The following TRIP12 variants were observed in gnomAD, a reference collection of about 807,000 sequenced individuals.
TRIP12 encodes thyroid hormone receptor interactor 12.
TRIP12 carries 25 observed loss-of-function variants against 244.2 expected under a neutral mutation model. That is an observed-to-expected ratio of 0.10 (90% CI 0.07 to 0.14). TRIP12 has a LOEUF of 0.14. Ranked by LOEUF, TRIP12 falls within the 10% of genes least tolerant of loss-of-function variation. TRIP12 has a pLI of 1.00. For missense variants in TRIP12, 1,677 were observed against 2,486.4 expected, an observed-to-expected ratio of 0.67 and a Z score of 6.92; for synonymous variants, 905 against 873.1, an observed-to-expected ratio of 1.04 and a Z score of -0.64.
chr2:229,908,473 G>A (rs993981976), intron 1 of TRIP12, among the ~76,000 whole-genome samples: 4 of 152,140 alleles, frequency 2.6e-5, no homozygotes, highest in South Asian at 2.1e-4. Context: ...GGCCGGGCGC[G>A]GTGGCTCACA....
At chr2:229,895,642 T>C (rs1338061538) in intron 1 of TRIP12, among the ~76,000 whole-genome samples, 2 of 150,644 alleles carry the variant, frequency 1.3e-5, no homozygotes, top group African/African-American at 4.9e-5. Context: ...AGATTAAAAA[T>C]AAGATATGCA....
At chr2:229,840,799 A>AT (rs1456648546) in intron 5 of TRIP12, 23 bp downstream of exon 5, 2 of 1,388,092 alleles carry the variant, frequency 1.4e-6, no homozygotes, top group Admixed American at 2.3e-5. Context: ...TGAACTCACT[A>AT]TAAAAAAAAA....
In TRIP12 at chr2:229,843,781, C is replaced by G. The variant is rs570336405; in HGVS notation, c.1028-2854G>C. Among the ~76,000 whole-genome samples, 13 of 152,206 alleles carry G rather than the reference C, an allele frequency of 8.5e-5. No individual in the cohort carries two copies. In the South Asian group the frequency reaches 2.7e-3, roughly 32 times the overall value. ...TGATGCATGTCTATAGTCCCAGCTACTTAGGAAGCTGACGCGGGAGGATCC... is the reference window on the plus strand; with the variant it reads ...TGATGCATGTCTATAGTCCCAGCTAGTTAGGAAGCTGACGCGGGAGGATCC... On this transcript the variant is annotated intron_variant, in intron 4 of 41. Transcript: ENST00000675903.
Position 229,857,023 on chromosome 2 carries a change from T to C in TRIP12, c.1027+1749A>G, listed in dbSNP as rs529369154. On this transcript the variant is annotated intron_variant, in intron 4 of 41. Transcript: ENST00000675903. Reference sequence around the variant, plus strand: ...AATAGTATTGTCATTTCAGGTAATATGTGAATCAACCAAAAGTAGTTTTAG... The same window carrying C: ...AATAGTATTGTCATTTCAGGTAATACGTGAATCAACCAAAAGTAGTTTTAG... Among the ~76,000 whole-genome samples the C allele has an allele frequency of 1.1e-4, 16 of 152,346 alleles. No homozygotes were observed. The South Asian group carries it at 3.1e-3, about 30-fold the overall frequency.
At chr2:229,806,774 T>C (rs1414663370) in intron 17 of TRIP12, among the ~76,000 whole-genome samples, 1 of 152,226 alleles carries the variant, frequency 6.6e-6, no homozygotes. Context: ...AGGTAAGTCA[T>C]TGGTTTAAAA....
At chr2:229,865,707 T>C (rs942847870) in intron 2 of TRIP12, among the ~76,000 whole-genome samples, 1 of 152,194 alleles carries the variant, frequency 6.6e-6, no homozygotes, top group Non-Finnish European at 1.5e-5. Flanking sequence ...AAATTAGATA[T>C]TTTATTTCAA....
intron 1 of TRIP12, among the ~76,000 whole-genome samples, chr2:229,887,036 A>G (rs952400348): frequency 5.9e-5 from 9 of 152,318 alleles, no homozygotes; most frequent in African/African-American, 2.2e-4. Flanking sequence ...CAGCACTCAA[A>G]TACAAGTTTG....
At chr2:229,837,922 T>G (rs3791839) in intron 5 of TRIP12, among the ~76,000 whole-genome samples, 38,997 of 152,042 alleles carry the variant, frequency 0.26, 6,122 homozygotes, top group Middle Eastern at 0.43. Context: ...AACCTTTTTT[T>G]CTCCTTCAAC....
At chr2:229,794,064 T>A (rs2042200352) in intron 26 of TRIP12, among the ~76,000 whole-genome samples, 1 of 152,110 alleles carries the variant, frequency 6.6e-6, no homozygotes, top group African/African-American at 2.4e-5. Context: ...AGCTTCATGA[T>A]TTTCTCAAGC....
intron 4 of TRIP12, among the ~76,000 whole-genome samples, chr2:229,856,598 G>C (rs2059645995): frequency 6.6e-6 from 1 of 152,208 alleles, no homozygotes; most frequent in South Asian, 2.1e-4. Context: ...TTCTTCAAGT[G>C]AGGCAGACTG....
At chr2:229,909,138 CCA>C (rs2073717510) in intron 1 of TRIP12, among the ~76,000 whole-genome samples, 1 of 150,444 alleles carries the variant, frequency 6.6e-6, no homozygotes, top group African/African-American at 2.4e-5. Flanking sequence ...TCCAAGTTTA[CCA>C]CTCTCCCTTT....
At chr2:229,884,106 C>CAA (rs1020196088) in intron 1 of TRIP12, among the ~76,000 whole-genome samples, 79 of 140,392 alleles carry the variant, frequency 5.6e-4, no homozygotes, top group Admixed American at 1.4e-3. Flanking sequence ...GAGTCCATTT[C>CAA]AAAAAAAAAA....
chr2:229,793,129 C>T lies in TRIP12; in HGVS notation c.3985G>A (p.Gly1329Arg). 2 of 1,612,170 alleles carry T rather than the reference C, an allele frequency of 1.2e-6. No homozygotes were observed. Among genetic ancestry groups the T allele is most frequent in the Non-Finnish European group, 1.7e-6 (2 of 1,179,262 alleles). The stretch of plus-strand genomic sequence containing the variant: ...TTGAAAAATTTTAAAGCCTGTGATC[C>T]TCTGTTGAGAGAAAAGCTCAAGATA... ...GTGGSFSLNR[G>R]SQALKFFNTH... The change falls in exon 27 of 42, where the codon GGA (glycine) becomes AGA (arginine). Residue 1329 changes from glycine to arginine, a missense_variant. By Grantham distance (125) the Gly-to-Arg change is moderately radical (BLOSUM62 -2). Around this residue, in one of 11 missense-constraint regions of TRIP12, gnomAD observed 265 missense variants for 370.8 expected, o/e 0.71. Coordinates refer to ENST00000675903, the MANE Select transcript of TRIP12 (RefSeq NM_001348323.3).
chr2:229,894,420 T>C (rs2068205355), intron 1 of TRIP12: 1 of 152,122 alleles, frequency 6.6e-6, no homozygotes, highest in African/African-American at 2.4e-5. Flanking sequence ...GTGTAAGGAT[T>C]ACACAATTTA....
At chr2:229,779,091 G>T in intron 34 of TRIP12, 101 bp from the exon 35 acceptor site, 1 of 916,196 alleles carries the variant, frequency 1.1e-6, no homozygotes, top group East Asian at 2.4e-5. Context: ...CTGTTTACCA[G>T]GATGCATTAG....
chr2:229,863,508 A>C (rs1255731432), intron 2 of TRIP12, among the ~76,000 whole-genome samples: 1 of 152,178 alleles, frequency 6.6e-6, no homozygotes, highest in Non-Finnish European at 1.5e-5. Flanking sequence ...CATGGTGGCT[A>C]TACTTCAATC....
chr2:229,906,321 A>G (rs1373743491), intron 1 of TRIP12, among the ~76,000 whole-genome samples: 1 of 151,658 alleles, frequency 6.6e-6, no homozygotes, highest in Non-Finnish European at 1.5e-5. Flanking sequence ...AAAAAAAAGA[A>G]AAGAAAAGAA....
intron 4 of TRIP12, among the ~76,000 whole-genome samples, chr2:229,842,269 C>T (rs963359877): frequency 1.3e-5 from 2 of 152,268 alleles, no homozygotes; most frequent in African/African-American, 4.8e-5. Context: ...TTCTACATAG[C>T]ATACTGCCAG....
chr2:229,788,799 A>T lies in TRIP12; in HGVS notation c.4837T>A (p.Cys1613Ser). The change falls in exon 32 of 42, where the codon TGC becomes AGC. Residue 1613 changes from cysteine to serine, a missense_variant and splice_region_variant. By Grantham distance (112) the Cys-to-Ser change is moderately radical. Coordinates refer to ENST00000675903, the MANE Select transcript of TRIP12 (RefSeq NM_001348323.3). ...CCATTACAGAAGTGATTGTCTTACC[A>T]GGTTTTTCCTAGCTCAGTAAGCCAT... is the stretch of plus-strand genomic sequence containing the variant. ...PTWLTELGKT[C>S]PFFFPFDTRQ... 1 of 1,612,024 alleles carries T rather than the reference A, an allele frequency of 6.2e-7. No homozygotes were observed. The highest frequency in any genetic ancestry group is 8.5e-7 in the Non-Finnish European group (1 of 1,179,550).
Sources: allele counts gnomAD v4.1 joint callset (sites outside exome capture counted in the v4.1 genomes callset), GRCh38; gene constraint gnomAD v4.1.1; regional missense constraint gnomAD v4.1.1; transcripts MANE v1.5; gene names NCBI Gene and HGNC (gene_info 2026-07-23, HGNC 2026-07-21).